Variants in COL19A1 observed in about 807,000 individuals in gnomAD.
COL19A1 encodes the protein collagen type XIX alpha 1 chain, also known as collagen alpha-1(XIX) chain.
A neutral mutation model predicts 190.2 loss-of-function variants in COL19A1; 159 were observed. That is an observed-to-expected ratio of 0.84 (90% CI 0.73 to 0.95). The LOEUF is 0.95. COL19A1 is among the 40% of genes least tolerant of loss of function. The probability of loss-of-function intolerance (pLI) is 0.00; values close to 1 mark genes in which losing one functional copy is unlikely to be tolerated. For missense variants in COL19A1, 1,418 were observed against 1,431.9 expected, an observed-to-expected ratio of 0.99 and a Z score of 0.16; for synonymous variants, 509 against 458.9, an observed-to-expected ratio of 1.11 and a Z score of -1.39.
chr6:70,110,679 A>C (rs1784235378), intron 16 of COL19A1, among the ~76,000 whole-genome samples: 1 of 152,162 alleles, frequency 6.6e-6, no homozygotes, highest in Admixed American at 6.6e-5. Flanking sequence ...ACTGGCTCTC[A>C]GGTTTTATTT....
chr6:70,169,496 A>G lies in COL19A1; in HGVS notation c.2568+815A>G, dbSNP rs150329717. ...TTATAGTACAGTTTGTTAAAACTCA[A>G]TGAATAAATTTTAAACCAGCAAAGG... On this transcript the variant is annotated intron_variant, in intron 40 of 50. Coordinates refer to ENST00000620364, the MANE Select transcript of COL19A1 (RefSeq NM_001858.6). 2.4e-3 allele frequency among the ~76,000 whole-genome samples: 373 copies of G among 152,324 alleles called. 1 individual carries two copies. Among genetic ancestry groups the G allele is most frequent in the Middle Eastern group, 6.8e-3 (2 of 294 alleles).
intron 14 of COL19A1, among the ~76,000 whole-genome samples, chr6:70,042,479 C>T (rs184615971): frequency 2.0e-5 from 3 of 152,284 alleles, no homozygotes; most frequent in African/African-American, 7.2e-5. Context: ...TGCTAATGAT[C>T]ATCTGAGCCT....
At chr6:70,165,084 C>A (rs978628562) in intron 36 of COL19A1, among the ~76,000 whole-genome samples, 2 of 152,108 alleles carry the variant, frequency 1.3e-5, no homozygotes, top group African/African-American at 2.4e-5. Context: ...TTAACCATGT[C>A]TTGCCATTTC....
At position 70,168,076 on chromosome 6, in the gene COL19A1, G is replaced by T. The variant is rs746887471; in HGVS notation, c.2496+1G>T. 1.3e-6 allele frequency: 2 copies of T among 1,585,422 alleles called. No individual in the cohort carries two copies. The highest frequency in any genetic ancestry group is 1.7e-5 in the Admixed American group (1 of 59,670). ...CATGAGCAGTTTATATAAAATTAAG[G>T]TATTTATATTTGTAATTATTTAAAA... is the stretch of plus-strand genomic sequence containing the variant. On this transcript the variant is annotated splice_donor_variant, in intron 38 of 50. Transcript: ENST00000620364. LOFTEE classifies it high-confidence loss of function.
chr6:70,091,664 A>G (rs1203389834), intron 15 of COL19A1, among the ~76,000 whole-genome samples: 1 of 152,142 alleles, frequency 6.6e-6, no homozygotes, highest in Non-Finnish European at 1.5e-5. Context: ...AGCAGGAATG[A>G]GGGGAACAAG....
At chr6:70,000,033 C>G (rs1202599391) in intron 11 of COL19A1, among the ~76,000 whole-genome samples, 1 of 152,050 alleles carries the variant, frequency 6.6e-6, no homozygotes, top group East Asian at 1.9e-4. Context: ...CCCTCAACAG[C>G]CCCTGGCCCT....
intron 16 of COL19A1, among the ~76,000 whole-genome samples, chr6:70,118,410 G>C (rs1784702882): frequency 6.6e-6 from 1 of 152,186 alleles, no homozygotes. Flanking sequence ...GAGTAGAGGG[G>C]GACTTCCAGA....
intron 49 of COL19A1, among the ~76,000 whole-genome samples, chr6:70,202,547 A>G (rs184219137): frequency 7.3e-4 from 111 of 152,334 alleles, no homozygotes; most frequent in Non-Finnish European, 1.2e-3. Flanking sequence ...AATGTGCACT[A>G]TGGAATGAGT....
At chr6:70,131,197 A>C (rs950614378) in intron 18 of COL19A1, 11 of 283,624 alleles carry the variant, frequency 3.9e-5, no homozygotes, top group Admixed American at 2.2e-4. Context: ...TTAAATCTAC[A>C]GGCAGAGATG....
chr6:70,040,986 A>T (rs1779608630), intron 14 of COL19A1, among the ~76,000 whole-genome samples: 1 of 152,222 alleles, frequency 6.6e-6, no homozygotes, highest in African/African-American at 2.4e-5. Context: ...AGTGTCCAAG[A>T]GGCTTCCCTT....
rs1478281010 is a variant in COL19A1, at chr6:70,068,481, G to C, written c.1224+5G>C. ...CCTGGAAAAGAGGGTCAGAGGGTAAGTAAAGCTGGAACAACTGGTGGGCAT... is the reference window on the plus strand; with the variant it reads ...CCTGGAAAAGAGGGTCAGAGGGTAACTAAAGCTGGAACAACTGGTGGGCAT... On this transcript the variant is annotated splice_donor_5th_base_variant and intron_variant, in intron 15 of 50. Transcript: ENST00000620364. The C allele has an allele frequency of 1.9e-6, 3 of 1,579,518 alleles. No homozygotes were observed. The highest frequency in any genetic ancestry group is 2.6e-6 in the Non-Finnish European group (3 of 1,152,234).
chr6:70,076,611 A>T (rs923823058), intron 15 of COL19A1, among the ~76,000 whole-genome samples: 6 of 152,130 alleles, frequency 3.9e-5, no homozygotes, highest in African/African-American at 9.7e-5. Flanking sequence ...TCAGGAGAGC[A>T]ATTGGATCAA....
chr6:69,929,745 T>TA (rs11421187), intron 6 of COL19A1, 45 bp downstream of exon 6: 311,354 of 1,440,328 alleles, frequency 0.22, 27,043 homozygotes, highest in African/African-American at 0.49. Context: ...AATTTCTAAG[T>TA]AAAAAAAAAA....
chr6:69,982,259 TCAGC>T (rs1776075627), intron 11 of COL19A1, among the ~76,000 whole-genome samples: 1 of 151,646 alleles, frequency 6.6e-6, no homozygotes, highest in Admixed American at 6.6e-5. Flanking sequence ...TGGCACAGTC[TCAGC>T]TCACTGCTAC....
chr6:70,176,480 T>C (rs747108749), intron 41 of COL19A1, 40 bp from the exon 42 acceptor site: 16 of 1,590,708 alleles, frequency 1.0e-5, no homozygotes, highest in Admixed American at 1.7e-5. Context: ...AAAGACTTCA[T>C]TGATGTCATT....
At chr6:69,956,804 A>C (rs1774449839) in intron 9 of COL19A1, among the ~76,000 whole-genome samples, 1 of 152,090 alleles carries the variant, frequency 6.6e-6, no homozygotes, top group South Asian at 2.1e-4. Flanking sequence ...GGGAAGTATG[A>C]TATATTTCAA....
At chr6:70,029,611 G>A (rs573683340) in intron 12 of COL19A1, among the ~76,000 whole-genome samples, 11 of 152,206 alleles carry the variant, frequency 7.2e-5, no homozygotes, top group South Asian at 4.1e-4. Flanking sequence ...GAGAAAAACC[G>A]CATTTGAGAA....
chr6:69,975,820 G>T (rs1775683372), intron 11 of COL19A1, among the ~76,000 whole-genome samples: 1 of 152,144 alleles, frequency 6.6e-6, no homozygotes, highest in Non-Finnish European at 1.5e-5. Context: ...CTTTTTAGGG[G>T]TGATGGCCTA....
chr6:70,102,037 T>C, intron 15 of COL19A1, 132 bp from the exon 16 acceptor site: 1 of 780,084 alleles, frequency 1.3e-6, no homozygotes, highest in Non-Finnish European at 2.1e-6. Context: ...TATTTAAAAG[T>C]CATGTGGAAT....
Sources: allele counts gnomAD v4.1 joint callset (sites outside exome capture counted in the v4.1 genomes callset), GRCh38; gene constraint gnomAD v4.1.1; transcripts MANE v1.5; gene names NCBI Gene and HGNC (gene_info 2026-07-23, HGNC 2026-07-21).